The following ERBB4 variants were observed in gnomAD, a reference collection of about 807,000 sequenced individuals.
The protein encoded by ERBB4 is erb-b2 receptor tyrosine kinase 4, also known as receptor tyrosine-protein kinase erbB-4.
ERBB4 carries 42 observed loss-of-function variants against 158.0 expected under a neutral mutation model. The ratio of observed to expected loss-of-function variants is 0.27; its 90% CI spans 0.21 to 0.34. The LOEUF (loss-of-function observed/expected upper bound fraction) is 0.34, where lower values mean the gene tolerates loss of function less well. Ranked by LOEUF, ERBB4 falls within the 10% of genes least tolerant of loss-of-function variation. The pLI is 1.00. For synonymous variants in ERBB4, 583 were observed against 558.7 expected, an observed-to-expected ratio of 1.04 and a Z score of -0.61; for missense variants, 1,333 against 1,624.1, an observed-to-expected ratio of 0.82 and a Z score of 3.08.
At chr2:211,561,621 C>G in intron 20 of ERBB4, 1 of 435,084 alleles carries the variant, frequency 2.3e-6, no homozygotes, top group African/African-American at 2.0e-5. Context: ...ATAAGCCAAA[C>G]AAATCCAGTA....
chr2:211,418,745 A>T (rs1335678774), intron 25 of ERBB4, among the ~76,000 whole-genome samples: 1 of 152,144 alleles, frequency 6.6e-6, no homozygotes, highest in Admixed American at 6.5e-5. Context: ...AATTATAAAT[A>T]CAAGGGTATA....
At chr2:211,682,102 CA>C (rs1308778065) in intron 12 of ERBB4, among the ~76,000 whole-genome samples, 2 of 140,658 alleles carry the variant, frequency 1.4e-5, no homozygotes, top group African/African-American at 5.7e-5. Flanking sequence ...AATTGGCTCA[CA>C]CAAGCAGGAA....
chr2:211,746,761 C>A (rs898945823), intron 5 of ERBB4, among the ~76,000 whole-genome samples: 1 of 144,600 alleles, frequency 6.9e-6, no homozygotes, highest in Non-Finnish European at 1.5e-5. Context: ...ACCCGGGAGG[C>A]GGAGGTTGCA....
intron 1 of ERBB4, among the ~76,000 whole-genome samples, chr2:212,375,386 T>G (rs1420167232): frequency 1.3e-5 from 2 of 152,136 alleles, no homozygotes; most frequent in African/African-American, 4.8e-5. Flanking sequence ...GAACAGTTAC[T>G]TGATACCTAA....
intron 14 of ERBB4, 101 bp downstream of exon 14, chr2:211,673,063 T>C: frequency 2.2e-6 from 2 of 927,632 alleles, no homozygotes; most frequent in African/African-American, 1.6e-5. Context: ...CATGGCATCC[T>C]GTAAGTAGCT....
intron 20 of ERBB4, among the ~76,000 whole-genome samples, chr2:211,459,346 T>C (rs1467331824): frequency 1.3e-5 from 2 of 152,216 alleles, no homozygotes; most frequent in Admixed American, 6.5e-5. Context: ...TTTCATATTT[T>C]TTCTATCAAA....
intron 1 of ERBB4, among the ~76,000 whole-genome samples, chr2:212,353,272 A>G (rs2089329252): frequency 6.6e-6 from 1 of 151,842 alleles, no homozygotes; most frequent in South Asian, 2.1e-4. Context: ...AATACAAAAT[A>G]CAAAATAATT....
intron 1 of ERBB4, among the ~76,000 whole-genome samples, chr2:212,438,990 C>T (rs1247878921): frequency 2.0e-5 from 3 of 152,066 alleles, no homozygotes; most frequent in Non-Finnish European, 4.4e-5. Context: ...GTGCGTTTTA[C>T]AATAAATTGT....
At chr2:212,254,727 G>A (rs1390530899) in intron 1 of ERBB4, among the ~76,000 whole-genome samples, 1 of 152,134 alleles carries the variant, frequency 6.6e-6, no homozygotes, top group Non-Finnish European at 1.5e-5. Flanking sequence ...AGATCTCTCT[G>A]AAATATTGTG....
chr2:211,983,211 G>T (rs1453977372), intron 2 of ERBB4, among the ~76,000 whole-genome samples: 4 of 152,148 alleles, frequency 2.6e-5, no homozygotes, highest in African/African-American at 9.7e-5. Context: ...AAATGAGATG[G>T]CAGTGGCATG....
At chr2:212,358,990 A>G (rs1170481096) in intron 1 of ERBB4, among the ~76,000 whole-genome samples, 4 of 151,808 alleles carry the variant, frequency 2.6e-5, no homozygotes, top group Non-Finnish European at 1.5e-5. Flanking sequence ...TTTCAGCTAC[A>G]TCTCTGCACA....
chr2:212,173,699 G>A (rs939223), intron 1 of ERBB4, among the ~76,000 whole-genome samples: 1 of 151,846 alleles, frequency 6.6e-6, no homozygotes, highest in Non-Finnish European at 1.5e-5. Flanking sequence ...TGATCTTATT[G>A]TGACTGACAT....
At chr2:212,026,263 T>C (rs2076770074) in intron 2 of ERBB4, among the ~76,000 whole-genome samples, 1 of 151,684 alleles carries the variant, frequency 6.6e-6, no homozygotes, top group South Asian at 2.1e-4. Context: ...CATATTTGAG[T>C]AAAAATATCA....
At chr2:211,396,296 A>T (rs2062915421) in intron 25 of ERBB4, among the ~76,000 whole-genome samples, 1 of 152,164 alleles carries the variant, frequency 6.6e-6, no homozygotes, top group Admixed American at 6.5e-5. Flanking sequence ...AGAGGCTGTT[A>T]ACTCATTTGT....
At chr2:212,026,453 G>T (rs2076774383) in intron 2 of ERBB4, among the ~76,000 whole-genome samples, 1 of 151,762 alleles carries the variant, frequency 6.6e-6, no homozygotes, top group Non-Finnish European at 1.5e-5. Flanking sequence ...TACTGAATAA[G>T]TGTATGAACA....
chr2:212,440,417 T>C (rs2092228874), intron 1 of ERBB4, among the ~76,000 whole-genome samples: 1 of 152,218 alleles, frequency 6.6e-6, no homozygotes, highest in Non-Finnish European at 1.5e-5. Context: ...ATTTTGGTAC[T>C]CGGACTGGCT....
At chr2:212,192,437 T>C (rs955160999) in intron 1 of ERBB4, among the ~76,000 whole-genome samples, 1 of 152,012 alleles carries the variant, frequency 6.6e-6, no homozygotes, top group Admixed American at 6.6e-5. Flanking sequence ...TCAGCCCATG[T>C]ATATTGAGAT....
intron 1 of ERBB4, among the ~76,000 whole-genome samples, chr2:212,523,683 CTAATTT>C (rs1211139620): frequency 6.6e-6 from 1 of 152,026 alleles, no homozygotes; most frequent in East Asian, 1.9e-4. Flanking sequence ...TTCATCTGCT[CTAATTT>C]TTAGAGGCTA....
intron 3 of ERBB4, among the ~76,000 whole-genome samples, chr2:211,819,505 A>T (rs1206524673): frequency 6.6e-6 from 1 of 152,070 alleles, no homozygotes; most frequent in Non-Finnish European, 1.5e-5. Context: ...AATTTGCAGA[A>T]AATAGAAATG....
Sources: gnomAD v4.1 joint callset for allele counts (sites outside exome capture counted in the v4.1 genomes callset) on GRCh38, gnomAD v4.1.1 for gene constraint, MANE v1.5 for transcripts, NCBI Gene and HGNC (gene_info 2026-07-23, HGNC 2026-07-21) for gene names.